Variants in WHRN observed in about 807,000 individuals in gnomAD.
WHRN encodes CASK-interacting protein CIP98.
WHRN carries 41 observed loss-of-function variants against 68.3 expected under a neutral mutation model. The observed-to-expected ratio is 0.60, with a 90% CI of 0.47 to 0.78. The LOEUF is 0.78. Among genes scored for constraint, WHRN ranks in the 30% least tolerant of loss-of-function variants. The pLI is 0.00. For missense variants in WHRN, 1,243 were observed against 1,244.7 expected (o/e 1.00, Z 0.02); for synonymous variants, 560 against 561.3 (o/e 1.00, Z 0.03).
rs1449102147 is a variant in WHRN, at chr9:114,426,562, A to T, written c.964-149T>A. 5.6e-6 allele frequency: 5 copies of T among 899,880 alleles called. No homozygotes were observed. In the East Asian group the frequency reaches 1.3e-4, roughly 23 times the overall value. 55.7% of individuals were successfully genotyped at this position (899,880 alleles called of 1,614,324 possible). A position where few individuals can be genotyped will look rare whatever the true frequency, so the allele number is the denominator to read the frequency against. On this transcript the variant is annotated intron_variant, in intron 3 of 11. Transcript: ENST00000362057. ...GAGGATGTGAGGATGCCTGAGGGTC[A>T]CACAGCAAGTCAATAGCAGTGCTGG...
intron 3 of WHRN, among the ~76,000 whole-genome samples, chr9:114,456,870 C>T (rs1270534296): frequency 6.6e-6 from 1 of 150,698 alleles, no homozygotes; most frequent in Non-Finnish European, 1.5e-5. Context: ...TCTGAAATGA[C>T]TTTGTTTCTC....
At position 114,474,011 on chromosome 9, in the gene WHRN, T is replaced by C. The variant is rs948166996; in HGVS notation, c.837+4542A>G. On this transcript the variant is annotated intron_variant, in intron 2 of 11. Transcript: ENST00000362057. ...CAACACACTCGCCCTCCCATCCTGATGCAGCCTCCTCCCCTGGGTCTTCCT... is the reference window on the plus strand; with the variant it reads ...CAACACACTCGCCCTCCCATCCTGACGCAGCCTCCTCCCCTGGGTCTTCCT... Among the ~76,000 whole-genome samples, 11 of 152,184 alleles carry C rather than the reference T, an allele frequency of 7.2e-5. No individual in the cohort carries two copies. In the South Asian group the frequency reaches 8.3e-4, roughly 11 times the overall value.
intron 7 of WHRN, among the ~76,000 whole-genome samples, chr9:114,409,937 C>G (rs552531264): frequency 6.6e-6 from 1 of 152,218 alleles, no homozygotes; most frequent in East Asian, 1.9e-4. Flanking sequence ...TCAGGACCCC[C>G]AAGGGCCTCT....
At chr9:114,498,321 C>T (rs1421134484) in intron 1 of WHRN, among the ~76,000 whole-genome samples, 1 of 152,098 alleles carries the variant, frequency 6.6e-6, no homozygotes, top group Non-Finnish European at 1.5e-5. Context: ...TAAAGCCAGG[C>T]AAAAGGATAG....
chr9:114,474,538 C>T (rs1186485531), intron 2 of WHRN, among the ~76,000 whole-genome samples: 1 of 152,194 alleles, frequency 6.6e-6, no homozygotes, highest in African/African-American at 2.4e-5. Context: ...CTGTCTTGCT[C>T]TCTCTAACCT....
chr9:114,423,695 A>T (rs1343876540), intron 6 of WHRN, among the ~76,000 whole-genome samples, 172 bp from the exon 7 acceptor site: 1 of 152,136 alleles, frequency 6.6e-6, no homozygotes, highest in Non-Finnish European at 1.5e-5. Flanking sequence ...CCTGGACACC[A>T]GGCCCAGCAT....
At chr9:114,493,276 A>G (rs1205745890) in intron 1 of WHRN, among the ~76,000 whole-genome samples, 1 of 147,946 alleles carries the variant, frequency 6.8e-6, no homozygotes, top group Non-Finnish European at 1.5e-5. Context: ...ACTTGAGCCC[A>G]GGAGTTCAAA....
intron 3 of WHRN, among the ~76,000 whole-genome samples, chr9:114,450,437 G>A (rs1564168473): frequency 6.6e-6 from 1 of 152,088 alleles, no homozygotes; most frequent in Admixed American, 6.6e-5. Context: ...TGCCCTGGCT[G>A]GGTGTTAGAG....
At chr9:114,403,401 T>G in intron 10 of WHRN, 62 bp from the exon 11 acceptor site, 1 of 1,609,838 alleles carries the variant, frequency 6.2e-7, no homozygotes, top group Non-Finnish European at 8.5e-7. Context: ...GCCAGGGGGC[T>G]GGGCCGGGCC....
At position 114,504,241 on chromosome 9, in the gene WHRN, C is replaced by G. The variant is rs1327809537; in HGVS notation, c.561G>C (p.Gln187His). 1 of 1,614,192 alleles carries G rather than the reference C, an allele frequency of 6.2e-7. No homozygotes were observed. The highest frequency in any genetic ancestry group is 8.5e-7 in the Non-Finnish European group (1 of 1,180,038). ...AEKEGLRVGD[Q>H]ILRVNDKSLA... The stretch of plus-strand genomic sequence containing the variant: ...GGGATTTGTCGTTGACGCGCAGAAT[C>G]TGGTCCCCGACCCGCAGTCCTTCCT... Residue 187 changes from glutamine (Q) to histidine (H), a missense_variant, in exon 1 of 12, where the codon CAG becomes CAC. Physicochemically the swap from Gln to His is conservative, Grantham distance 24 (BLOSUM62 0). Coordinates refer to ENST00000362057, the MANE Select transcript of WHRN (RefSeq NM_015404.4).
intron 7 of WHRN, among the ~76,000 whole-genome samples, chr9:114,415,566 G>C (rs1462980036): frequency 6.6e-6 from 1 of 152,136 alleles, no homozygotes; most frequent in Non-Finnish European, 1.5e-5. Context: ...CTCTCCCCAA[G>C]TACCCCAGAC....
intron 1 of WHRN, 114 bp from the exon 2 acceptor site, chr9:114,478,885 G>C: frequency 2.0e-6 from 2 of 1,001,314 alleles, no homozygotes. Flanking sequence ...GGAAGAAGAG[G>C]CCAGCCCTGA....
chr9:114,408,725 C>A (rs1400306126), intron 7 of WHRN, among the ~76,000 whole-genome samples: 11 of 152,226 alleles, frequency 7.2e-5, no homozygotes, highest in Admixed American at 6.5e-4. Flanking sequence ...ATTAGCTTCG[C>A]GTGTCAACTT....
In WHRN at chr9:114,402,942, G is replaced by C; in HGVS notation, c.2542-6C>G. The stretch of plus-strand genomic sequence containing the variant: ...TTGTGAGCTGAGCCGCCTCTCTGCA[G>C]GGAGGAGACACAGGGCATGGGGTGC... On this transcript the variant is annotated splice_polypyrimidine_tract_variant and splice_region_variant and intron_variant, in intron 11 of 11. Coordinates refer to ENST00000362057, the MANE Select transcript of WHRN (RefSeq NM_015404.4). The C allele has an allele frequency of 1.2e-6, 2 of 1,607,782 alleles. No individual in the cohort carries two copies. The highest frequency in any genetic ancestry group is 2.2e-5 in the South Asian group (2 of 90,198).
Position 114,496,097 on chromosome 9 carries a change from C to T in WHRN, c.618+8087G>A, listed in dbSNP as rs928606220. ...GTTAACAAATCACCAATTTCACCTG[C>T]ATTAATTGCTTTAATGGGCTCTAAA... On this transcript the variant is annotated intron_variant, in intron 1 of 11. Coordinates refer to ENST00000362057, the MANE Select transcript of WHRN (RefSeq NM_015404.4). Among the ~76,000 whole-genome samples the T allele has an allele frequency of 1.2e-4, 18 of 152,246 alleles. No individual in the cohort carries two copies. The Middle Eastern group carries it at 0.017, about 144-fold the overall frequency.
intron 1 of WHRN, among the ~76,000 whole-genome samples, chr9:114,488,045 T>C (rs1225897190): frequency 1.3e-5 from 2 of 152,230 alleles, no homozygotes; most frequent in Admixed American, 1.3e-4. Context: ...GGTGGTGTCT[T>C]AGGGTGCGAA....
At chr9:114,457,776 C>A (rs939756008) in intron 3 of WHRN, among the ~76,000 whole-genome samples, 1 of 152,066 alleles carries the variant, frequency 6.6e-6, no homozygotes, top group Non-Finnish European at 1.5e-5. Flanking sequence ...ATTAGCCAGG[C>A]ATGGTGGCAG....
chr9:114,466,124 T>C, intron 3 of WHRN, 143 bp downstream of exon 3: 1 of 1,305,598 alleles, frequency 7.7e-7, no homozygotes, highest in Middle Eastern at 2.0e-4. Context: ...GCTGTGAATT[T>C]AGAGGTACAG....
rs1251089654 is a variant in WHRN at position 114,491,185 on chromosome 9, G to A, written c.619-12414C>T. ...TCATTCCATGAATAGATACGTTGAT[G>A]GGATTTAGTCTCCTCCCAGACTCTT... On this transcript the variant is annotated intron_variant, in intron 1 of 11. Coordinates refer to ENST00000362057, the MANE Select transcript of WHRN (RefSeq NM_015404.4). 2.0e-5 allele frequency among the ~76,000 whole-genome samples: 3 copies of A among 152,136 alleles called. No individual in the cohort carries two copies. In the East Asian group the frequency reaches 5.8e-4, roughly 29 times the overall value.
Sources: allele counts gnomAD v4.1 joint callset (sites outside exome capture counted in the v4.1 genomes callset), GRCh38; gene constraint gnomAD v4.1.1; transcripts MANE v1.5; gene names NCBI Gene and HGNC (gene_info 2026-07-23, HGNC 2026-07-21).